The following GLI2 variants were observed in gnomAD, a reference collection of about 807,000 sequenced individuals.
The protein encoded by GLI2 is transcription activator GLI2.
Under a neutral mutation model 78.9 loss-of-function variants are expected in GLI2, and 22 were observed. The observed-to-expected ratio is 0.28, with a 90% CI of 0.20 to 0.40. GLI2 has a LOEUF of 0.40. Ranked by LOEUF, GLI2 falls within the 10% of genes least tolerant of loss-of-function variation. The pLI is 1.00. For missense variants in GLI2, 2,097 were observed against 2,213.2 expected (o/e 0.95, Z 1.05); for synonymous variants, 974 against 963.7 (o/e 1.01, Z -0.20).
intron 2 of GLI2, among the ~76,000 whole-genome samples, chr2:120,909,772 G>A (rs1558874951): frequency 6.6e-6 from 1 of 152,232 alleles, no homozygotes; most frequent in Non-Finnish European, 1.5e-5. Context: ...GGCTGAGGCA[G>A]GAGAATGGCA....
chr2:120,846,362 T>G (rs1687116249), intron 2 of GLI2, among the ~76,000 whole-genome samples: 2 of 152,322 alleles, frequency 1.3e-5, no homozygotes, highest in South Asian at 2.1e-4. Flanking sequence ...TGAAAGCCTT[T>G]GTGGGCCTCA....
intron 1 of GLI2, among the ~76,000 whole-genome samples, chr2:120,756,054 G>A (rs557241424): frequency 7.2e-4 from 110 of 152,136 alleles, no homozygotes; most frequent in Middle Eastern, 6.8e-3. Context: ...TGCATTCTAG[G>A]TCCTTTGCAT....
At chr2:120,940,929 C>T (rs73949988) in intron 3 of GLI2, among the ~76,000 whole-genome samples, 11,316 of 152,274 alleles carry the variant, frequency 0.074, 1,408 homozygotes, top group African/African-American at 0.26. Flanking sequence ...ACCCCAGCTC[C>T]CCACACCTGC....
At chr2:120,744,831 G>C (rs1445679582) in intron 1 of GLI2, among the ~76,000 whole-genome samples, 1 of 152,176 alleles carries the variant, frequency 6.6e-6, no homozygotes, top group South Asian at 2.1e-4. Flanking sequence ...CAGAATCTTA[G>C]GTTCCCCAGG....
intron 2 of GLI2, among the ~76,000 whole-genome samples, chr2:120,816,214 T>G (rs1685486413): frequency 7.0e-6 from 1 of 142,594 alleles, no homozygotes; most frequent in Non-Finnish European, 1.5e-5. Context: ...TTTTTGAGAC[T>G]GAGTCTCGCT....
intron 8 of GLI2, among the ~76,000 whole-genome samples, chr2:120,972,366 C>G (rs190581864): frequency 2.6e-4 from 40 of 152,380 alleles, no homozygotes; most frequent in African/African-American, 8.9e-4. Flanking sequence ...CCACACCTGA[C>G]CTGTGTACAG....
chr2:120,740,596 G>A (rs964845614), intron 1 of GLI2, among the ~76,000 whole-genome samples: 2 of 152,210 alleles, frequency 1.3e-5, no homozygotes, highest in African/African-American at 4.8e-5. Context: ...GGTCCATTGA[G>A]ATTCTTCTGC....
At chr2:120,926,064 C>T (rs1240787927) in intron 2 of GLI2, among the ~76,000 whole-genome samples, 1 of 100,184 alleles carries the variant, frequency 1.0e-5, no homozygotes, top group African/African-American at 4.1e-5. Context: ...CAGAGCGAGA[C>T]TCCGTCTCAA....
At chr2:120,986,236 G>A (rs1289518676) in intron 12 of GLI2, 42 bp from the exon 13 acceptor site, 2 of 1,571,466 alleles carry the variant, frequency 1.3e-6, no homozygotes, top group Non-Finnish European at 1.7e-6. Context: ...GGTGGAATCT[G>A]ATACCCTCTG....
At position 120,942,027 on chromosome 2, in the gene GLI2, A is replaced by G. The variant is rs1680472493; in HGVS notation, c.255-9216A>G. Among the ~76,000 whole-genome samples, 9 of 152,180 alleles carry G rather than the reference A, an allele frequency of 5.9e-5. No homozygotes were observed. In the South Asian group the frequency reaches 1.7e-3, roughly 28 times the overall value. The stretch of plus-strand genomic sequence containing the variant: ...CCAGCCTGCCTCAAAGGGAGCATCT[A>G]CTGGAACCTGGTTATTCCGAGCAAT... On this transcript the variant is annotated intron_variant, in intron 3 of 13. Coordinates refer to ENST00000361492, the MANE Select transcript of GLI2 (RefSeq NM_001374353.1).
At chr2:120,827,383 C>G (rs1686127846) in intron 2 of GLI2, among the ~76,000 whole-genome samples, 1 of 152,164 alleles carries the variant, frequency 6.6e-6, no homozygotes, top group African/African-American at 2.4e-5. Context: ...ACTCAGAAAA[C>G]AGAACAGGTG....
At position 120,737,154 on chromosome 2, in the gene GLI2, G is replaced by A. The variant is rs1361744707; in HGVS notation, c.-31+869G>A. On this transcript the variant is annotated intron_variant, in intron 1 of 13. Transcript: ENST00000361492. The surrounding 1 kb of genome is among the most constrained non-coding windows in gnomAD (Gnocchi z 4.3). ...GAGAGTTGGGCGCCAATCCTATTAAGGGTTTAGAGAGGGGAGTCTTTTCCC... is the reference window on the plus strand; with the variant it reads ...GAGAGTTGGGCGCCAATCCTATTAAAGGTTTAGAGAGGGGAGTCTTTTCCC... Among the ~76,000 whole-genome samples the A allele has an allele frequency of 6.6e-6, 1 of 152,204 alleles. No homozygotes were observed. The highest frequency in any genetic ancestry group is 1.5e-5 in the Non-Finnish European group (1 of 68,038).
rs529345054 is a variant in GLI2 at position 120,800,699 on chromosome 2, G to A, written c.148+3231G>A. ...TTTTTGTATTTTTTAGTAGAGATGG[G>A]GTTTCACTGTGTTAGCCAGGATGGT... On this transcript the variant is annotated intron_variant, in intron 2 of 13. Transcript: ENST00000361492. The surrounding 1 kb of genome is among the most constrained non-coding windows in gnomAD (Gnocchi z 4.1). Among the ~76,000 whole-genome samples, 1 of 151,906 alleles carries A rather than the reference G, an allele frequency of 6.6e-6. No homozygotes were observed. Among genetic ancestry groups the A allele is most frequent in the African/African-American group, 2.4e-5 (1 of 41,444 alleles).
At chr2:120,848,242 C>T (rs1390094511) in intron 2 of GLI2, among the ~76,000 whole-genome samples, 2 of 152,166 alleles carry the variant, frequency 1.3e-5, no homozygotes, top group African/African-American at 4.8e-5. Context: ...GAAGGGGCGG[C>T]GGAGCAAGCA....
At chr2:120,748,889 A>G (rs1479636101) in intron 1 of GLI2, among the ~76,000 whole-genome samples, 1 of 144,614 alleles carries the variant, frequency 6.9e-6, no homozygotes, top group Non-Finnish European at 1.5e-5. Flanking sequence ...CCATCCATCC[A>G]TCCTCAATCC....
At chr2:120,838,986 G>A (rs1686741810) in intron 2 of GLI2, among the ~76,000 whole-genome samples, 1 of 152,124 alleles carries the variant, frequency 6.6e-6, no homozygotes, top group South Asian at 2.1e-4. Context: ...TCTGGAGGCT[G>A]GGAAGTCCAA....
intron 3 of GLI2, among the ~76,000 whole-genome samples, chr2:120,942,787 C>T (rs1431975631): frequency 6.6e-6 from 1 of 151,928 alleles, no homozygotes; most frequent in Non-Finnish European, 1.5e-5. Flanking sequence ...GACACGCTCC[C>T]TGCTTTATTC....
rs545029769 is a variant in GLI2, at chr2:120,987,037, G to A, written c.2242+423G>A. Among the ~76,000 whole-genome samples the A allele has an allele frequency of 3.3e-5, 5 of 152,332 alleles. No homozygotes were observed. The South Asian group carries it at 6.2e-4, about 19-fold the overall frequency. On this transcript the variant is annotated intron_variant, in intron 13 of 13. Transcript: ENST00000361492. Reference sequence around the variant, plus strand: ...CCAGATTCACACTCTACTGCAGAACGAGCCAGGTACCACCAAAGCCAGAGC... The same window carrying A: ...CCAGATTCACACTCTACTGCAGAACAAGCCAGGTACCACCAAAGCCAGAGC...
chr2:120,779,081 AT>A (rs1156846414), intron 1 of GLI2, among the ~76,000 whole-genome samples: 1 of 152,194 alleles, frequency 6.6e-6, no homozygotes, highest in East Asian at 1.9e-4. Context: ...CACCCTTCCC[AT>A]GTAAAGTAAA....
Sources: gnomAD v4.1 joint callset for allele counts (sites outside exome capture counted in the v4.1 genomes callset) on GRCh38, gnomAD v4.1.1 for gene constraint, Gnocchi (gnomAD v3.1) non-coding constraint, MANE v1.5 for transcripts, NCBI Gene and HGNC (gene_info 2026-07-23, HGNC 2026-07-21) for gene names.